Variants in NLK observed in about 807,000 individuals in gnomAD.
The protein encoded by NLK is nemo like kinase.
A neutral mutation model predicts 59.0 loss-of-function variants in NLK; 11 were observed. That is an observed-to-expected ratio of 0.19 (90% CI 0.12 to 0.31). NLK has a LOEUF of 0.31. NLK is among the 10% of genes least tolerant of loss of function. NLK has a pLI of 1.00. For synonymous variants in NLK, 235 were observed against 235.9 expected, an observed-to-expected ratio of 1.00 and a Z score of 0.03; for missense variants, 410 against 661.1, an observed-to-expected ratio of 0.62 and a Z score of 4.16.
intron 1 of NLK, among the ~76,000 whole-genome samples, chr17:28,051,024 G>A (rs566058168): frequency 6.7e-6 from 1 of 149,522 alleles, no homozygotes; most frequent in African/African-American, 2.5e-5. Context: ...AGGTTGCAGT[G>A]AGCTGATATC....
chr17:28,107,341 A>G (rs971610487), intron 1 of NLK, among the ~76,000 whole-genome samples: 6 of 152,080 alleles, frequency 3.9e-5, no homozygotes, highest in Admixed American at 2.0e-4. Context: ...AGGCTGAGGC[A>G]GGAGAATCGC....
At chr17:28,129,412 C>A (rs1219134140) in intron 2 of NLK, among the ~76,000 whole-genome samples, 3 of 152,170 alleles carry the variant, frequency 2.0e-5, no homozygotes, top group Admixed American at 6.5e-5. Context: ...AAGGTCATGT[C>A]ACTGCCCTCC....
rs773981567 is a variant in NLK at position 28,168,435 on chromosome 17, C to A, written c.838-13C>A. 12 of 1,589,352 alleles carry A rather than the reference C, an allele frequency of 7.6e-6. No homozygotes were observed. The highest frequency in any genetic ancestry group is 9.5e-6 in the Non-Finnish European group (11 of 1,158,308). ...ATTTGCTTGATAATGTTTTGATTGC[C>A]TTTTCTGTCTAGATTTGTGATTTTG... On this transcript the variant is annotated splice_polypyrimidine_tract_variant and intron_variant, in intron 5 of 10. Coordinates refer to ENST00000407008, the MANE Select transcript of NLK (RefSeq NM_016231.5).
At chr17:28,076,514 A>C (rs921440206) in intron 1 of NLK, among the ~76,000 whole-genome samples, 4 of 152,184 alleles carry the variant, frequency 2.6e-5, no homozygotes, top group Non-Finnish European at 5.9e-5. Flanking sequence ...GGATTTCAAC[A>C]TACAAATTTT....
intron 1 of NLK, among the ~76,000 whole-genome samples, chr17:28,062,742 G>A (rs966997823): frequency 1.6e-4 from 24 of 151,946 alleles, no homozygotes; most frequent in Non-Finnish European, 2.8e-4. Context: ...CACCACATCC[G>A]GCTAATTTTT....
At chr17:28,164,080 A>G (rs1043894386) in intron 5 of NLK, among the ~76,000 whole-genome samples, 1 of 152,186 alleles carries the variant, frequency 6.6e-6, no homozygotes, top group Non-Finnish European at 1.5e-5. Context: ...TTTAAAAGGG[A>G]TAGTGCTGGC....
intron 7 of NLK, among the ~76,000 whole-genome samples, chr17:28,181,719 C>A (rs563966233): frequency 6.6e-6 from 1 of 152,146 alleles, no homozygotes; most frequent in South Asian, 2.1e-4. Flanking sequence ...TATCAAGACT[C>A]ACACAAGGCT....
In NLK at chr17:28,103,815, A is replaced by G. The variant is rs966504411; in HGVS notation, c.459-18788A>G. 4.6e-5 allele frequency among the ~76,000 whole-genome samples: 7 copies of G among 152,228 alleles called. 2 individuals carry two copies. The South Asian group carries it at 1.4e-3, about 32-fold the overall frequency. Reference sequence around the variant, plus strand: ...GTTTTAAGACTGATAAGTTCTTTGAAAAATGTATTCTGACCACTTAACCTG... The same window carrying G: ...GTTTTAAGACTGATAAGTTCTTTGAGAAATGTATTCTGACCACTTAACCTG... On this transcript the variant is annotated intron_variant, in intron 1 of 10. Coordinates refer to ENST00000407008, the MANE Select transcript of NLK (RefSeq NM_016231.5).
intron 3 of NLK, among the ~76,000 whole-genome samples, chr17:28,152,448 C>T (rs1348509858): frequency 6.6e-6 from 1 of 152,162 alleles, no homozygotes. Flanking sequence ...ACTGTCACTA[C>T]TAACAGTAAG....
intron 1 of NLK, among the ~76,000 whole-genome samples, chr17:28,046,698 C>G (rs1179333281): frequency 6.6e-6 from 1 of 152,076 alleles, no homozygotes; most frequent in African/African-American, 2.4e-5. Context: ...TTCAGGGGCT[C>G]ATAATTTTGA....
rs770643132 is a variant in NLK, at chr17:28,168,646, C to T, written c.1036C>T (p.Pro346Ser). ...GRRILFQAQSPIQQLDLITDL... is the reference protein window; with the variant it reads ...GRRILFQAQSSIQQLDLITDL... Reference sequence around the variant, plus strand: ...AAGAATATTGTTTCAGGCACAGAGTCCCATTCAGCAGGTATGATTTCAATT... The same window carrying T: ...AAGAATATTGTTTCAGGCACAGAGTTCCATTCAGCAGGTATGATTTCAATT... Residue 346 changes from proline to serine, a missense_variant, in exon 6 of 11, where the codon CCC (proline) becomes TCC (serine). This residue lies in a region of NLK where 150 missense variants were observed against 244.3 expected (regional missense o/e 0.61). Transcript: ENST00000407008. 6.2e-7 allele frequency: 1 copy of T among 1,612,732 alleles called. No individual in the cohort carries two copies. The highest frequency in any genetic ancestry group is 1.1e-5 in the South Asian group (1 of 91,024).
At chr17:28,205,517 G>A in the NLK span, among the ~76,000 whole-genome samples, 1 of 152,170 alleles carries the variant, frequency 6.6e-6, no homozygotes, top group Non-Finnish European at 1.5e-5. Flanking sequence ...TCAAAGGGAA[G>A]AAACAGGAAA....
chr17:28,120,263 T>A (rs1336069545), intron 1 of NLK, among the ~76,000 whole-genome samples: 1 of 151,282 alleles, frequency 6.6e-6, no homozygotes, highest in African/African-American at 2.4e-5. Context: ...TGTGTGTGTG[T>A]GTGTGTGTGT....
chr17:28,185,635 A>C (rs929774207), intron 8 of NLK, among the ~76,000 whole-genome samples: 2 of 151,820 alleles, frequency 1.3e-5, no homozygotes, highest in African/African-American at 4.8e-5. Flanking sequence ...TGTACCCTCA[A>C]CCTCCCAGGC....
intron 1 of NLK, among the ~76,000 whole-genome samples, chr17:28,074,381 A>G (rs150621715): frequency 2.0e-5 from 3 of 152,274 alleles, no homozygotes; most frequent in African/African-American, 7.2e-5. Context: ...ATCAAGGGGA[A>G]TTTTTGCCTT....
At chr17:28,101,555 G>C (rs1261991279) in intron 1 of NLK, among the ~76,000 whole-genome samples, 2 of 152,062 alleles carry the variant, frequency 1.3e-5, no homozygotes, top group African/African-American at 4.8e-5. Context: ...AAACAGAGTT[G>C]GGGTTTTTAT....
chr17:28,043,362 A>C, intron 1 of NLK, 31 bp downstream of exon 1: 245 of 1,474,780 alleles, frequency 1.7e-4, no homozygotes, highest in Non-Finnish European at 2.0e-4. Context: ...ACAACCTCTC[A>C]TGGTTTCTTC....
At chr17:28,132,910 C>T (rs1204732722) in intron 3 of NLK, among the ~76,000 whole-genome samples, 2 of 152,148 alleles carry the variant, frequency 1.3e-5, no homozygotes, top group Non-Finnish European at 2.9e-5. Flanking sequence ...ATTTAATCCC[C>T]ACACAGCCTT....
chr17:28,088,489 T>G (rs1347177562), intron 1 of NLK, among the ~76,000 whole-genome samples: 16 of 152,180 alleles, frequency 1.1e-4, no homozygotes, highest in Admixed American at 1.0e-3. Flanking sequence ...ATAATTTGTT[T>G]GCTTTATTCA....
Sources: allele counts gnomAD v4.1 joint callset (sites outside exome capture counted in the v4.1 genomes callset), GRCh38; gene constraint gnomAD v4.1.1; regional missense constraint gnomAD v4.1.1; transcripts MANE v1.5; gene names NCBI Gene and HGNC (gene_info 2026-07-23, HGNC 2026-07-21).